CLSPN: variants seen among roughly 807,000 people sequenced by gnomAD.
The protein encoded by CLSPN is claspin homolog.
CLSPN carries 85 observed loss-of-function variants against 156.3 expected under a neutral mutation model. The ratio of observed to expected loss-of-function variants is 0.54; its 90% CI spans 0.46 to 0.65. The LOEUF is 0.65. Ranked by LOEUF, CLSPN falls within the 30% of genes least tolerant of loss-of-function variation. The pLI is 0.00. For synonymous variants in CLSPN, 534 were observed against 542.4 expected, an observed-to-expected ratio of 0.98 and a Z score of 0.22; for missense variants, 1,407 against 1,554.9, an observed-to-expected ratio of 0.90 and a Z score of 1.60.
In CLSPN at chr1:35,747,979, A is replaced by G; in HGVS notation, c.2555T>C (p.Leu852Pro). 6.2e-7 allele frequency: 1 copy of G among 1,614,152 alleles called. No homozygotes were observed. Among genetic ancestry groups the G allele is most frequent in the Admixed American group, 1.7e-5 (1 of 60,030 alleles). Residue 852 changes from leucine (L) to proline (P), a missense_variant, in exon 14 of 25, where the codon CTT becomes CCT. Physicochemically the swap from Leu to Pro is moderately conservative, Grantham distance 98. Coordinates refer to ENST00000318121, the MANE Select transcript of CLSPN (RefSeq NM_022111.4). ...LYNASPEPKT[L>P]FLGAGDFQFC... ...CTGGAAGTCTCCTGCTCCTAGGAAA[A>G]GTGTCTTAGGCTCTGGGGAGGCGTT...
At position 35,739,178 on chromosome 1, in the gene CLSPN, C is replaced by T. The variant is rs747263276; in HGVS notation, c.3388G>A (p.Asp1130Asn). The change falls in exon 20 of 25, where the codon GAT (aspartate) becomes AAT (asparagine). Residue 1130 changes from aspartate to asparagine, a missense_variant. Around this residue, in one of 3 missense-constraint regions of CLSPN, gnomAD observed 70 missense variants for 121.5 expected, o/e 0.58. Transcript: ENST00000318121. ...RYLADGDLHSDGPGRMRKFRW... is the reference protein window; with the variant it reads ...RYLADGDLHSNGPGRMRKFRW... ...AACTTCCTCATTCGCCCAGGACCAT[C>T]GCTGTGCAGATCCCCATCAGCAAGG... 5 of 1,614,036 alleles carry T rather than the reference C, an allele frequency of 3.1e-6. No homozygotes were observed. The highest frequency in any genetic ancestry group is 2.7e-5 in the African/African-American group (2 of 74,906).
chr1:35,761,133 G>T lies in CLSPN; in HGVS notation c.967C>A (p.Arg323=). The T allele has an allele frequency of 6.2e-7, 1 of 1,613,556 alleles. No individual in the cohort carries two copies. Among genetic ancestry groups the T allele is most frequent in the Non-Finnish European group, 8.5e-7 (1 of 1,179,510 alleles). Residue 323 remains arginine, a synonymous_variant, in exon 7 of 25, where the codon CGG becomes AGG. Coordinates refer to ENST00000318121, the MANE Select transcript of CLSPN (RefSeq NM_022111.4). ...ATGGCATTTCCGTGGCAAGTGGGCC[G>T]GGGTTTACGTTTGAAGAAATCATGA... is the stretch of plus-strand genomic sequence containing the variant. The part of the protein sequence containing the change: ...TIHDFFKRKP[R]PTCHGNAMAL...
Position 35,733,482 on chromosome 1 carries a change from T to A in CLSPN, c.*3014A>T, listed in dbSNP as rs1641370236. On this transcript the variant is annotated 3_prime_UTR_variant, in exon 25 of 25. Transcript: ENST00000318121. ...TCCTCAGTTGTCAATTCCAATTGTCTTTTCTATCTCTCCTCAAAAGACATG... is the reference window on the plus strand; with the variant it reads ...TCCTCAGTTGTCAATTCCAATTGTCATTTCTATCTCTCCTCAAAAGACATG... 1.0e-6 allele frequency: 1 copy of A among 985,228 alleles called. No homozygotes were observed. The highest frequency in any genetic ancestry group is 1.2e-6 in the Non-Finnish European group (1 of 829,916). The allele number at this position is 985,228 out of a possible 1,614,324, so 61.0% of individuals were successfully genotyped here. A position where few individuals can be genotyped will look rare whatever the true frequency, so the allele number is the denominator to read the frequency against.
intron 20 of CLSPN, 127 bp from the exon 21 acceptor site, chr1:35,738,709 AAC>A: frequency 1.1e-6 from 1 of 906,560 alleles, no homozygotes; most frequent in South Asian, 1.8e-5. Flanking sequence ...ATTAACAGAA[AAC>A]AGTTACAACT....
rs138490557 is a variant in CLSPN, at chr1:35,753,916, G to A, written c.1600C>T (p.Arg534Cys). Residue 534 changes from arginine (R) to cysteine (C), a missense_variant, in exon 9 of 25, where the codon CGT (arginine) becomes TGT (cysteine). Arg to Cys is a radical substitution (Grantham distance 180). Around this residue, in one of 3 missense-constraint regions of CLSPN, gnomAD observed 1,096 missense variants for 1,193.0 expected, o/e 0.92. Coordinates refer to ENST00000318121, the MANE Select transcript of CLSPN (RefSeq NM_022111.4). ...GCTGGATTAGCATGCTTCCAGAAAC[G>A]CTGCTTCAAGGCTTCCAGTTCTAAA... ...TNRELEALKQ[R>C]FWKHANPAAK... 4.5e-5 allele frequency: 72 copies of A among 1,614,086 alleles called. No homozygotes were observed. The Admixed American group carries it at 9.8e-4, about 22-fold the overall frequency.
At chr1:35,751,903 T>C (rs949219316) in intron 9 of CLSPN, among the ~76,000 whole-genome samples, 36 of 152,198 alleles carry the variant, frequency 2.4e-4, no homozygotes, top group African/African-American at 8.7e-4. Context: ...ATATTGTTAA[T>C]AAATTAAAAG....
intron 22 of CLSPN, 152 bp from the exon 23 acceptor site, chr1:35,737,573 T>C: frequency 5.1e-6 from 3 of 592,310 alleles, no homozygotes; most frequent in Admixed American, 2.8e-5. Context: ...ACTATAATAA[T>C]TGGCTCCAAG....
intron 1 of CLSPN, among the ~76,000 whole-genome samples, chr1:35,767,345 T>C (rs933409193): frequency 1.3e-5 from 2 of 152,200 alleles, no homozygotes; most frequent in African/African-American, 4.8e-5. Flanking sequence ...ACTAAAATCT[T>C]TGTGGTTCAA....
intron 24 of CLSPN, among the ~76,000 whole-genome samples, chr1:35,721,725 C>G (rs1395844216): frequency 1.3e-5 from 2 of 151,964 alleles, no homozygotes; most frequent in East Asian, 1.9e-4. Context: ...CCCAGAATCT[C>G]AGAGACAGGA....
intron 23 of CLSPN, 117 bp from the exon 24 acceptor site, chr1:35,737,192 T>C (rs1641505022): frequency 2.4e-6 from 3 of 1,253,300 alleles, no homozygotes; most frequent in Non-Finnish European, 3.4e-6. Context: ...CCTATTCAAA[T>C]AGAAAAGAAA....
chr1:35,764,949 A>G (rs1642619625), intron 2 of CLSPN, among the ~76,000 whole-genome samples: 1 of 152,188 alleles, frequency 6.6e-6, no homozygotes, highest in Admixed American at 6.5e-5. Flanking sequence ...CAATGTGTAA[A>G]GTTGTTCTAA....
intron 1 of CLSPN, among the ~76,000 whole-genome samples, chr1:35,767,247 A>T (rs191259552): frequency 6.6e-6 from 1 of 152,304 alleles, no homozygotes; most frequent in African/African-American, 2.4e-5. Flanking sequence ...GAGTCAAAGA[A>T]ATCTGAACAC....
chr1:35,748,364 G>T, intron 13 of CLSPN, 41 bp downstream of exon 13: 1 of 1,561,612 alleles, frequency 6.4e-7, no homozygotes, highest in Non-Finnish European at 8.8e-7. Context: ...AATGTGGGAA[G>T]CAAAGAGAGG....
In CLSPN at chr1:35,760,623, T is replaced by C. The variant is rs763621316; in HGVS notation, c.1298A>G (p.Asn433Ser). The part of the protein sequence containing the change: ...GDSSVLQQES[N>S]FLGNNHSEEC... Reference sequence around the variant, plus strand: ...CTCACTGTGATTGTTCCCGAGGAAGTTGGATTCCTGTTGCAACACTGAGCT... The same window carrying C: ...CTCACTGTGATTGTTCCCGAGGAAGCTGGATTCCTGTTGCAACACTGAGCT... Residue 433 changes from asparagine to serine, a missense_variant, in exon 8 of 25, where the codon AAC becomes AGC. Coordinates refer to ENST00000318121, the MANE Select transcript of CLSPN (RefSeq NM_022111.4). 5 of 1,614,208 alleles carry C rather than the reference T, an allele frequency of 3.1e-6. No homozygotes were observed. In the South Asian group the frequency reaches 4.4e-5, roughly 14 times the overall value.
intron 4 of CLSPN, 64 bp from the exon 5 acceptor site, chr1:35,762,545 AAG>A (rs1642519100): frequency 1.6e-6 from 2 of 1,268,038 alleles, no homozygotes; most frequent in South Asian, 2.4e-5. Context: ...GCTTTAGCTG[AAG>A]ACTACTTTTG....
chr1:35,738,121 T>TATATATATATA, intron 21 of CLSPN, 24 bp from the exon 22 acceptor site: 1 of 433,690 alleles, frequency 2.3e-6, no homozygotes, highest in Non-Finnish European at 3.1e-6. Flanking sequence ...AAAATATATA[T>TATATATATATA]ATATATATAT....
downstream of CLSPN, among the ~76,000 whole-genome samples, chr1:35,727,585 T>G (rs912057408): frequency 6.6e-6 from 1 of 152,030 alleles, no homozygotes; most frequent in Non-Finnish European, 1.5e-5. Context: ...GCAGGCTCAG[T>G]TGGGACAGTC....
chr1:35,752,283 T>TA (rs946332087), intron 9 of CLSPN, among the ~76,000 whole-genome samples: 3 of 152,022 alleles, frequency 2.0e-5, no homozygotes, highest in African/African-American at 4.8e-5. Context: ...GCAGCCATTT[T>TA]AAAAAAAGCC....
chr1:35,734,256 T>C lies in CLSPN; in HGVS notation c.*2240A>G. 3 of 985,438 alleles carry C rather than the reference T, an allele frequency of 3.0e-6. No individual in the cohort carries two copies. Among genetic ancestry groups the C allele is most frequent in the Non-Finnish European group, 3.6e-6 (3 of 829,926 alleles). 61.0% of individuals were successfully genotyped at this position (985,438 alleles called of 1,614,324 possible). ...TTCAAGCTGGACAGCAAATCTTCCC[T>C]TCAAGGCATTAAGATTTATTGAAAA... On this transcript the variant is annotated 3_prime_UTR_variant, in exon 25 of 25. Transcript: ENST00000318121.
Sources: allele counts gnomAD v4.1 joint callset (sites outside exome capture counted in the v4.1 genomes callset), GRCh38; gene constraint gnomAD v4.1.1; regional missense constraint gnomAD v4.1.1; transcripts MANE v1.5; gene names NCBI Gene and HGNC (gene_info 2026-07-23, HGNC 2026-07-21).